PKIB: variants seen among roughly 807,000 people sequenced by gnomAD.
The protein encoded by PKIB is PKI-beta.
In PKIB, 2 loss-of-function variants were observed where a neutral mutation model predicts 4.5. The observed-to-expected ratio is 0.44, with a 90% CI of 0.18 to 1.39. The LOEUF (loss-of-function observed/expected upper bound fraction) is 1.39. PKIB is among the 40% of genes most tolerant of loss of function. PKIB has a pLI of 0.27. For synonymous variants in PKIB, 38 were observed against 36.0 expected (o/e 1.06, Z -0.20); for missense variants, 94 against 92.6 (o/e 1.02, Z -0.06).
At chr6:122,646,097 CT>C (rs1194300381) in intron 2 of PKIB, among the ~76,000 whole-genome samples, 1 of 151,962 alleles carries the variant, frequency 6.6e-6, no homozygotes, top group Non-Finnish European at 1.5e-5. Flanking sequence ...CCTTATTCTG[CT>C]TAGATTTATC....
At chr6:122,558,440 G>T (rs1186663661) in intron 2 of PKIB, among the ~76,000 whole-genome samples, 2 of 152,092 alleles carry the variant, frequency 1.3e-5, no homozygotes, top group African/African-American at 4.8e-5. Context: ...ACTAGTGAAA[G>T]GTACAGTCAG....
intron 2 of PKIB, among the ~76,000 whole-genome samples, chr6:122,585,754 G>A (rs1773830770): frequency 6.6e-6 from 1 of 151,990 alleles, no homozygotes; most frequent in African/African-American, 2.4e-5. Flanking sequence ...CTTCCTCCAA[G>A]CATTTTGTTA....
At chr6:122,583,063 C>T (rs1773748235) in intron 2 of PKIB, among the ~76,000 whole-genome samples, 1 of 151,824 alleles carries the variant, frequency 6.6e-6, no homozygotes, top group African/African-American at 2.4e-5. Flanking sequence ...ATTTATACCC[C>T]AAGTGTTTTC....
At chr6:122,576,689 A>AAAAAAAAATATATAT (rs1345822382) in intron 2 of PKIB, among the ~76,000 whole-genome samples, 14 of 34,312 alleles carry the variant, frequency 4.1e-4, no homozygotes, top group African/African-American at 1.4e-3. Flanking sequence ...AAAAAAAAAA[A>AAAAAAAAATATATAT]ATATATATAT....
At chr6:122,538,659 C>A (rs928847549) in intron 2 of PKIB, among the ~76,000 whole-genome samples, 4 of 151,978 alleles carry the variant, frequency 2.6e-5, no homozygotes, top group African/African-American at 9.7e-5. Context: ...CTTGGCAATG[C>A]AGGCTCTTTT....
chr6:122,497,495 G>A (rs767350529), intron 2 of PKIB, among the ~76,000 whole-genome samples: 12 of 152,212 alleles, frequency 7.9e-5, no homozygotes, highest in African/African-American at 2.2e-4. Context: ...CACATGTAAC[G>A]ACACCCATAG....
chr6:122,519,193 G>C (rs1424146435), intron 2 of PKIB, among the ~76,000 whole-genome samples: 1 of 152,096 alleles, frequency 6.6e-6, no homozygotes, highest in South Asian at 2.1e-4. Flanking sequence ...TCATAGGACA[G>C]TGAACATTGT....
chr6:122,666,365 G>A (rs1344744), intron 2 of PKIB, among the ~76,000 whole-genome samples: 82,376 of 152,092 alleles, frequency 0.54, 23,830 homozygotes, highest in Non-Finnish European at 0.66. Flanking sequence ...AATCATGTCC[G>A]TTTAATAGCA....
intron 2 of PKIB, among the ~76,000 whole-genome samples, chr6:122,516,930 C>T (rs765778472): frequency 1.3e-5 from 2 of 152,060 alleles, no homozygotes; most frequent in Non-Finnish European, 2.9e-5. Flanking sequence ...GAGCAGGTAC[C>T]CAATTCTAAT....
chr6:122,554,609 C>T (rs993849450), intron 2 of PKIB, among the ~76,000 whole-genome samples: 1 of 152,148 alleles, frequency 6.6e-6, no homozygotes, highest in African/African-American at 2.4e-5. Context: ...GTGGGGCTGT[C>T]TATCAAAGGT....
intron 2 of PKIB, among the ~76,000 whole-genome samples, chr6:122,575,821 G>A (rs1372271081): frequency 6.6e-6 from 1 of 152,152 alleles, no homozygotes; most frequent in Non-Finnish European, 1.5e-5. Flanking sequence ...TACTGCTTGG[G>A]TGACAAGTGC....
At chr6:122,551,616 G>A (rs1308988460) in intron 2 of PKIB, among the ~76,000 whole-genome samples, 1 of 152,010 alleles carries the variant, frequency 6.6e-6, no homozygotes. Context: ...CATTTTAAGT[G>A]TGGGGAACAA....
At chr6:122,592,665 A>T (rs1367677432) in intron 3 of PKIB, among the ~76,000 whole-genome samples, 1 of 152,224 alleles carries the variant, frequency 6.6e-6, no homozygotes, top group Non-Finnish European at 1.5e-5. Context: ...TGGTGCAAAG[A>T]TGAAAGCCAT....
intron 2 of PKIB, among the ~76,000 whole-genome samples, chr6:122,638,461 A>G (rs1332793717): frequency 6.6e-6 from 1 of 152,092 alleles, no homozygotes; most frequent in African/African-American, 2.4e-5. Context: ...ATTCTGGCCA[A>G]TGCGTTGACT....
Position 122,568,009 on chromosome 6 carries a change from TATTA to T in PKIB, c.-247-17906_-247-17903del, listed in dbSNP as rs551161823. ...GCCTGAAATATGCTATTATTAACATTATTAATTAAAATATAGACAGAATTAATTA... is the reference window on the plus strand; with the variant it reads ...GCCTGAAATATGCTATTATTAACATTATTAAAATATAGACAGAATTAATTA... On this transcript the variant is annotated intron_variant, in intron 2 of 6. Coordinates refer to the PKIB transcript ENST00000392491. Among the ~76,000 whole-genome samples the T allele has an allele frequency of 9.2e-5, 14 of 152,280 alleles. No individual in the cohort carries two copies. The South Asian group carries it at 2.7e-3, about 29-fold the overall frequency.
At chr6:122,541,314 G>C (rs1383029061) in intron 2 of PKIB, among the ~76,000 whole-genome samples, 4 of 151,878 alleles carry the variant, frequency 2.6e-5, no homozygotes, top group African/African-American at 4.9e-5. Context: ...TTTGCAGTGG[G>C]TGGTACCGGT....
chr6:122,595,914 G>A (rs532761508), intron 3 of PKIB, among the ~76,000 whole-genome samples: 37 of 152,180 alleles, frequency 2.4e-4, no homozygotes, highest in African/African-American at 8.7e-4. Context: ...GAGGTCACCC[G>A]TTGGTGAGTA....
intron 3 of PKIB, among the ~76,000 whole-genome samples, chr6:122,703,227 G>GC (rs2115032757): frequency 6.6e-6 from 1 of 152,076 alleles, no homozygotes; most frequent in Admixed American, 6.5e-5. Flanking sequence ...ATTACTATTT[G>GC]TAAAAAATTT....
chr6:122,614,465 C>G (rs1364937778), intron 1 of PKIB, among the ~76,000 whole-genome samples: 1 of 152,196 alleles, frequency 6.6e-6, no homozygotes, highest in Non-Finnish European at 1.5e-5. Context: ...TCTAAGCACT[C>G]TTATTGGCTA....
Sources: allele counts gnomAD v4.1 joint callset (sites outside exome capture counted in the v4.1 genomes callset), GRCh38; gene constraint gnomAD v4.1.1; transcripts MANE v1.5; gene names NCBI Gene and HGNC (gene_info 2026-07-23, HGNC 2026-07-21).